The following TENM2 variants were observed in gnomAD, a reference collection of about 807,000 sequenced individuals.
The protein encoded by TENM2 is teneurin transmembrane protein 2.
A neutral mutation model predicts 245.2 loss-of-function variants in TENM2; 52 were observed. The observed-to-expected ratio is 0.21, with a 90% CI of 0.17 to 0.27. The LOEUF is 0.27. TENM2 is among the 10% of genes least tolerant of loss of function. TENM2 has a pLI of 1.00. For missense variants in TENM2, 3,046 were observed against 3,666.8 expected, an observed-to-expected ratio of 0.83 and a Z score of 4.37; for synonymous variants, 1,363 against 1,438.9, an observed-to-expected ratio of 0.95 and a Z score of 1.19.
chr5:167,863,615 G>A (rs914610110), intron 2 of TENM2, among the ~76,000 whole-genome samples: 1 of 152,132 alleles, frequency 6.6e-6, no homozygotes, highest in African/African-American at 2.4e-5. Flanking sequence ...CTGTACTCCA[G>A]CCTGGGTGAC....
At chr5:168,106,527 T>C (rs1794258054) in intron 9 of TENM2, among the ~76,000 whole-genome samples, 1 of 152,226 alleles carries the variant, frequency 6.6e-6, no homozygotes, top group African/African-American at 2.4e-5. Flanking sequence ...AGTAACTTGC[T>C]CAAAATCACT....
At chr5:168,254,369 A>C (rs576962953) in intron 27 of TENM2, among the ~76,000 whole-genome samples, 3 of 152,286 alleles carry the variant, frequency 2.0e-5, no homozygotes, top group African/African-American at 7.2e-5. Context: ...TAGAATAAAC[A>C]TTTCCAAAGG....
intron 2 of TENM2, among the ~76,000 whole-genome samples, chr5:167,496,915 A>G (rs189494988): frequency 4.7e-4 from 72 of 152,270 alleles, no homozygotes; most frequent in African/African-American, 1.5e-3. Context: ...GCAGGTTTAA[A>G]AACAAGGACA....
At chr5:167,394,169 C>T (rs375919983) in intron 2 of TENM2, among the ~76,000 whole-genome samples, 4 of 151,968 alleles carry the variant, frequency 2.6e-5, no homozygotes, top group African/African-American at 7.2e-5. Context: ...TGCTTGTGCC[C>T]GTGATGTCAT....
chr5:167,402,231 A>G (rs954906045), intron 2 of TENM2, among the ~76,000 whole-genome samples: 2 of 152,146 alleles, frequency 1.3e-5, no homozygotes, highest in African/African-American at 4.8e-5. Flanking sequence ...TATCCATTTT[A>G]AAAGGTTGTT....
chr5:167,758,983 T>C lies in TENM2; in HGVS notation c.503-117003T>C, dbSNP rs149801672. ...CTTTTACTATGGATACCTTGATACT[T>C]TGAATAAATAATAATTGTTTCATAA... On this transcript the variant is annotated intron_variant, in intron 2 of 28. Transcript: ENST00000518659. Among the ~76,000 whole-genome samples, 11 of 151,854 alleles carry C rather than the reference T, an allele frequency of 7.2e-5. No homozygotes were observed. In the East Asian group the frequency reaches 2.1e-3, roughly 29 times the overall value.
chr5:167,951,778 T>C (rs1780120361), intron 3 of TENM2, among the ~76,000 whole-genome samples: 1 of 152,162 alleles, frequency 6.6e-6, no homozygotes. Flanking sequence ...TTCACTCTCA[T>C]TTTAAAATAG....
intron 5 of TENM2, among the ~76,000 whole-genome samples, chr5:167,998,687 T>G (rs1226955808): frequency 6.6e-6 from 1 of 152,018 alleles, no homozygotes; most frequent in Non-Finnish European, 1.5e-5. Flanking sequence ...AAAATACATA[T>G]ATATATATTA....
At position 168,244,502 on chromosome 5, in the gene TENM2, C is replaced by T. The variant is rs753037589; in HGVS notation, c.5603C>T (p.Thr1868Ile). The change falls in exon 26 of 29, where the codon ACC becomes ATC. Residue 1868 changes from threonine to isoleucine, a missense_variant. Around this residue, in one of 2 missense-constraint regions of TENM2, gnomAD observed 2,704 missense variants for 3,331.9 expected, o/e 0.81. Transcript: ENST00000518659. This position sits in a 1 kb window ranked among gnomAD's most constrained non-coding sequence, Gnocchi z 4.9. ...ATCTATGATGACCACCGGAAGTTCA[C>T]CCTGAGGATCATTTATGACCAGGTG... The T allele has an allele frequency of 2.5e-6, 4 of 1,610,688 alleles. No homozygotes were observed. Among genetic ancestry groups the T allele is most frequent in the Non-Finnish European group, 3.4e-6 (4 of 1,177,980 alleles).
chr5:168,180,738 A>G (rs1301304921), intron 13 of TENM2, among the ~76,000 whole-genome samples: 3 of 152,098 alleles, frequency 2.0e-5, no homozygotes, highest in Non-Finnish European at 4.4e-5. Context: ...TCTACTAAAA[A>G]TAAAAATAAA....
At chr5:167,215,672 A>G in the TENM2 span, among the ~76,000 whole-genome samples, 1 of 152,226 alleles carries the variant, frequency 6.6e-6, no homozygotes, top group Admixed American at 6.5e-5. Context: ...GAGAAGGAAT[A>G]GAGACCTGAA....
In TENM2 at chr5:167,602,084, C is replaced by A. The variant is rs573923930; in HGVS notation, c.502+226611C>A. Among the ~76,000 whole-genome samples, 11 of 151,842 alleles carry A rather than the reference C, an allele frequency of 7.2e-5. No homozygotes were observed. The South Asian group carries it at 2.3e-3, about 32-fold the overall frequency. ...GCCAGGAAACGTGGGAAGGTTTTGG[C>A]CATGAATACTGCTATGATCATTAAA... is the stretch of plus-strand genomic sequence containing the variant. On this transcript the variant is annotated intron_variant, in intron 2 of 28. Coordinates refer to ENST00000518659, the Ensembl canonical transcript of TENM2.
the TENM2 span, among the ~76,000 whole-genome samples, chr5:167,138,507 G>T: frequency 1.3e-5 from 2 of 152,246 alleles, no homozygotes; most frequent in South Asian, 4.1e-4. Flanking sequence ...TTGGTCTGTC[G>T]CTTACAAACT....
intron 3 of TENM2, among the ~76,000 whole-genome samples, chr5:167,889,296 G>A (rs1774544625): frequency 6.6e-6 from 1 of 151,958 alleles, no homozygotes; most frequent in South Asian, 2.1e-4. Context: ...TTTGAATTGT[G>A]TTGATGTCCA....
the TENM2 span, among the ~76,000 whole-genome samples, chr5:167,233,057 A>G: frequency 2.0e-5 from 3 of 152,212 alleles, no homozygotes; most frequent in African/African-American, 7.2e-5. Flanking sequence ...AGTGTCAGGT[A>G]GCATATGCTA....
At chr5:167,469,838 T>C (rs1333462142) in intron 2 of TENM2, among the ~76,000 whole-genome samples, 1 of 152,148 alleles carries the variant, frequency 6.6e-6, no homozygotes, top group Non-Finnish European at 1.5e-5. Flanking sequence ...ATACCTTGCA[T>C]CTTACGTTTA....
chr5:168,165,545 C>G (rs1419721067), intron 13 of TENM2, among the ~76,000 whole-genome samples: 2 of 151,284 alleles, frequency 1.3e-5, no homozygotes, highest in Non-Finnish European at 1.5e-5. Flanking sequence ...CCAGCTTCCA[C>G]CCGGCCAAAA....
intron 1 of TENM2, among the ~76,000 whole-genome samples, chr5:167,326,978 G>A (rs1298616802): frequency 6.6e-6 from 1 of 151,846 alleles, no homozygotes; most frequent in Non-Finnish European, 1.5e-5. Context: ...GAAGCCTAAA[G>A]GAAAACCCGG....
At chr5:167,166,411 T>C in the TENM2 span, among the ~76,000 whole-genome samples, 1 of 152,196 alleles carries the variant, frequency 6.6e-6, no homozygotes, top group East Asian at 1.9e-4. Flanking sequence ...GTAACATCAG[T>C]TATTTGTGTC....
Sources: gnomAD v4.1 joint callset for allele counts (sites outside exome capture counted in the v4.1 genomes callset) on GRCh38, gnomAD v4.1.1 for gene constraint, gnomAD v4.1.1 regional missense constraint, Gnocchi (gnomAD v3.1) non-coding constraint, MANE v1.5 for transcripts, NCBI Gene and HGNC (gene_info 2026-07-23, HGNC 2026-07-21) for gene names.